Variants in CCDC148 observed in about 807,000 individuals in gnomAD.
CCDC148 encodes the protein coiled-coil domain containing 148.
A neutral mutation model predicts 85.7 loss-of-function variants in CCDC148; 89 were observed. The observed-to-expected ratio is 1.04, with a 90% CI of 0.87 to 1.24. CCDC148 has a LOEUF of 1.24. Ranked by LOEUF, CCDC148 falls within the 50% of genes most tolerant of loss-of-function variation. The probability of loss-of-function intolerance (pLI) is 0.00; values close to 1 mark genes in which losing one functional copy is unlikely to be tolerated. For missense variants in CCDC148, 692 were observed against 671.7 expected, an observed-to-expected ratio of 1.03 and a Z score of -0.33; for synonymous variants, 230 against 213.9, an observed-to-expected ratio of 1.08 and a Z score of -0.66.
chr2:158,368,642 A>G (rs190705789), intron 1 of CCDC148, among the ~76,000 whole-genome samples: 42 of 152,256 alleles, frequency 2.8e-4, no homozygotes, highest in East Asian at 1.5e-3. Flanking sequence ...ATACTTTTGT[A>G]AGAAATTTCT....
At chr2:158,448,850 C>T (rs184197540) in intron 1 of CCDC148, among the ~76,000 whole-genome samples, 10 of 151,884 alleles carry the variant, frequency 6.6e-5, no homozygotes, top group Admixed American at 3.9e-4. Flanking sequence ...TTTTCTGAGA[C>T]GGAGTCTTGC....
intron 9 of CCDC148, among the ~76,000 whole-genome samples, chr2:158,278,458 C>T (rs897425380): frequency 3.3e-5 from 5 of 152,210 alleles, no homozygotes; most frequent in African/African-American, 9.6e-5. Context: ...TAAAAAATGG[C>T]GCACCAGGAG....
At chr2:158,398,084 A>C (rs1685609199) in intron 1 of CCDC148, among the ~76,000 whole-genome samples, 1 of 152,184 alleles carries the variant, frequency 6.6e-6, no homozygotes, top group Admixed American at 6.5e-5. Context: ...TAACTATCCT[A>C]AATATATATA....
intron 9 of CCDC148, among the ~76,000 whole-genome samples, chr2:158,265,609 T>C (rs1689422648): frequency 6.6e-6 from 1 of 152,160 alleles, no homozygotes; most frequent in African/African-American, 2.4e-5. Context: ...ATAACACCAA[T>C]TGTACATCTC....
chr2:158,418,844 C>A (rs566791047), intron 1 of CCDC148, among the ~76,000 whole-genome samples: 1 of 151,878 alleles, frequency 6.6e-6, no homozygotes, highest in South Asian at 2.1e-4. Flanking sequence ...ATACAATAAA[C>A]GTGTTTTAAT....
At position 158,449,639 on chromosome 2, in the gene CCDC148, C is replaced by T. The variant is rs373214745; in HGVS notation, c.25+6776G>A. ...AATTTTTGTATTTTTAGTAGAGATGCCATTTTGCCATGTTGGCCAGGCTGG... is the reference window on the plus strand; with the variant it reads ...AATTTTTGTATTTTTAGTAGAGATGTCATTTTGCCATGTTGGCCAGGCTGG... On this transcript the variant is annotated intron_variant, in intron 1 of 13. Coordinates refer to ENST00000283233, the MANE Select transcript of CCDC148 (RefSeq NM_138803.4). Among the ~76,000 whole-genome samples the T allele has an allele frequency of 1.5e-4, 23 of 152,018 alleles. 2 individuals carry two copies. The highest frequency in any genetic ancestry group is 1.5e-3 in the South Asian group (7 of 4,802).
chr2:158,396,015 A>G lies in CCDC148; in HGVS notation c.26-37445T>C, dbSNP rs149728242. Among the ~76,000 whole-genome samples, 10 of 152,272 alleles carry G rather than the reference A, an allele frequency of 6.6e-5. No individual in the cohort carries two copies. The East Asian group carries it at 1.9e-3, about 30-fold the overall frequency. Reference sequence around the variant, plus strand: ...AATTGTTGATGGAATGGCTAAGGACAGTCCAACTACTGGCCAATACGGAAG... The same window carrying G: ...AATTGTTGATGGAATGGCTAAGGACGGTCCAACTACTGGCCAATACGGAAG... On this transcript the variant is annotated intron_variant, in intron 1 of 13. Transcript: ENST00000283233.
intron 7 of CCDC148, among the ~76,000 whole-genome samples, chr2:158,325,141 T>A (rs1244061917): frequency 6.6e-6 from 1 of 151,358 alleles, no homozygotes; most frequent in African/African-American, 2.4e-5. Flanking sequence ...ACTTGCCTAC[T>A]CTCCTTTGCA....
At chr2:158,317,449 C>T (rs1034627539) in intron 7 of CCDC148, among the ~76,000 whole-genome samples, 1 of 152,112 alleles carries the variant, frequency 6.6e-6, no homozygotes, top group African/African-American at 2.4e-5. Context: ...TAGTATCGAT[C>T]ACAGATATCA....
intron 9 of CCDC148, among the ~76,000 whole-genome samples, chr2:158,267,962 A>G (rs762729569): frequency 2.0e-5 from 3 of 152,152 alleles, no homozygotes; most frequent in Admixed American, 6.5e-5. Context: ...ATTCCATTGT[A>G]TGGATGCACC....
At position 158,284,347 on chromosome 2, in the gene CCDC148, A is replaced by G. The variant is rs147678602; in HGVS notation, c.1110+25086T>C. Among the ~76,000 whole-genome samples the G allele has an allele frequency of 9.6e-3, 1,463 of 152,336 alleles. 19 individuals are homozygous for G. Among genetic ancestry groups the G allele is most frequent in the African/African-American group, 0.033 (1,355 of 41,578 alleles). ...CAACCTTTCTGCTAAACTAAAAAATAACTATTCAGTATTTTTTATAATTAA... is the reference window on the plus strand; with the variant it reads ...CAACCTTTCTGCTAAACTAAAAAATGACTATTCAGTATTTTTTATAATTAA... On this transcript the variant is annotated intron_variant, in intron 9 of 13. Coordinates refer to ENST00000283233, the MANE Select transcript of CCDC148 (RefSeq NM_138803.4).
intron 9 of CCDC148, among the ~76,000 whole-genome samples, chr2:158,278,469 A>T (rs1479227290): frequency 6.6e-6 from 1 of 152,148 alleles, no homozygotes. Context: ...GCACCAGGAG[A>T]TTATATCCTG....
At position 158,432,942 on chromosome 2, in the gene CCDC148, T is replaced by C. The variant is rs770304853; in HGVS notation, c.25+23473A>G. Among the ~76,000 whole-genome samples the C allele has an allele frequency of 5.4e-4, 80 of 149,524 alleles. 2 individuals carry two copies. The highest frequency in any genetic ancestry group is 1.1e-3 in the Non-Finnish European group (74 of 67,416). On this transcript the variant is annotated intron_variant, in intron 1 of 13. Transcript: ENST00000283233. ...CTCAAATCATACACAAAAATTAACA[T>C]AGGTAAAATTATAGGTTGGGTGCAA...
chr2:158,380,420 T>C (rs1684822015), intron 1 of CCDC148, among the ~76,000 whole-genome samples: 1 of 152,146 alleles, frequency 6.6e-6, no homozygotes, highest in South Asian at 2.1e-4. Flanking sequence ...TAGGGTAGTG[T>C]TGGTCTTTGG....
chr2:158,379,259 T>G (rs898179008), intron 1 of CCDC148, among the ~76,000 whole-genome samples: 1 of 152,164 alleles, frequency 6.6e-6, no homozygotes, highest in South Asian at 2.1e-4. Context: ...GTGGTGAAAA[T>G]AGCAAGGGAA....
intron 1 of CCDC148, among the ~76,000 whole-genome samples, chr2:158,370,439 TATA>T: frequency 6.6e-6 from 1 of 152,230 alleles, no homozygotes; most frequent in Non-Finnish European, 1.5e-5. Flanking sequence ...ATTCTTGTAT[TATA>T]ATGAAAGATT....
intron 9 of CCDC148, among the ~76,000 whole-genome samples, chr2:158,279,355 G>C (rs529598333): frequency 1.8e-4 from 28 of 152,154 alleles, no homozygotes; most frequent in African/African-American, 6.5e-4. Context: ...TCAAACCAAA[G>C]GCAAAGAAGT....
At chr2:158,221,797 A>G (rs56040282) in intron 10 of CCDC148, among the ~76,000 whole-genome samples, 15,888 of 152,128 alleles carry the variant, frequency 0.1, 1,225 homozygotes, top group African/African-American at 0.23. Flanking sequence ...AATAAGCCCA[A>G]TGTGCAGTGA....
At chr2:158,284,758 T>C (rs1372113709) in intron 9 of CCDC148, among the ~76,000 whole-genome samples, 1 of 152,102 alleles carries the variant, frequency 6.6e-6, no homozygotes, top group Non-Finnish European at 1.5e-5. Flanking sequence ...GTCTAGTAAA[T>C]AACCAAAGTG....
Sources: gnomAD v4.1 joint callset for allele counts (sites outside exome capture counted in the v4.1 genomes callset) on GRCh38, gnomAD v4.1.1 for gene constraint, MANE v1.5 for transcripts, NCBI Gene and HGNC (gene_info 2026-07-23, HGNC 2026-07-21) for gene names.